The following PUM3 variants were observed in gnomAD, a reference collection of about 807,000 sequenced individuals.
The protein encoded by PUM3 is pumilio homolog 3.
PUM3 carries 91 observed loss-of-function variants against 84.0 expected under a neutral mutation model. The ratio of observed to expected loss-of-function variants is 1.08; its 90% CI spans 0.91 to 1.29. PUM3 has a LOEUF of 1.29. Among genes scored for constraint, PUM3 ranks in the 50% most tolerant of loss-of-function variants. PUM3 has a pLI of 0.00. For synonymous variants in PUM3, 321 were observed against 266.7 expected, an observed-to-expected ratio of 1.20 and a Z score of -1.98; for missense variants, 1,067 against 767.5, an observed-to-expected ratio of 1.39 and a Z score of -4.61.
At chr9:2,837,742 T>C (rs1417681637) in intron 2 of PUM3, among the ~76,000 whole-genome samples, 10 of 152,150 alleles carry the variant, frequency 6.6e-5, no homozygotes. Context: ...TGTATTCTGC[T>C]TTAATGATGG....
At chr9:2,829,397 G>A (rs1445436358) in intron 8 of PUM3, among the ~76,000 whole-genome samples, 2 of 152,208 alleles carry the variant, frequency 1.3e-5, no homozygotes, top group Non-Finnish European at 2.9e-5. Flanking sequence ...AAACACAGGA[G>A]AAGCTAGCAA....
At chr9:2,814,986 T>C (rs1048241101) in intron 13 of PUM3, among the ~76,000 whole-genome samples, 2 of 152,196 alleles carry the variant, frequency 1.3e-5, no homozygotes, top group African/African-American at 2.4e-5. Flanking sequence ...CCAACACATA[T>C]GGCTTGGGCA....
At chr9:2,811,155 C>A (rs1211986972) in intron 15 of PUM3, among the ~76,000 whole-genome samples, 1 of 152,190 alleles carries the variant, frequency 6.6e-6, no homozygotes, top group Non-Finnish European at 1.5e-5. Flanking sequence ...AAATTCACAT[C>A]TGTAAAACAT....
In PUM3 at chr9:2,811,403, G is replaced by A; in HGVS notation, c.1593C>T (p.Ser531=). 1 of 1,614,130 alleles carries A rather than the reference G, an allele frequency of 6.2e-7. No homozygotes were observed. Among genetic ancestry groups the A allele is most frequent in the Non-Finnish European group, 8.5e-7 (1 of 1,180,022 alleles). Residue 531 remains serine, a synonymous_variant, in exon 15 of 18, where the codon AGC becomes AGT. Transcript: ENST00000397885. Reference sequence around the variant, plus strand: ...CAGGATGCAGTCCTGTTGCTGCCAAGCTGGCGATGGCATTCATGGTAGGCT... The same window carrying A: ...CAGGATGCAGTCCTGTTGCTGCCAAACTGGCGATGGCATTCATGGTAGGCT... ...DVQPTMNAIA[S]LAATGLHPGG... is the part of the protein sequence containing the mutation.
chr9:2,819,554 A>G (rs966413692), intron 13 of PUM3, among the ~76,000 whole-genome samples: 1 of 152,222 alleles, frequency 6.6e-6, no homozygotes, highest in African/African-American at 2.4e-5. Context: ...GCACAGATGC[A>G]TTGATTAACT....
At chr9:2,833,691 AAT>A (rs1491491915) in intron 4 of PUM3, among the ~76,000 whole-genome samples, 37 of 141,924 alleles carry the variant, frequency 2.6e-4, no homozygotes, top group African/African-American at 8.7e-4. Context: ...AAGTAAAAAA[AAT>A]AATAAAACAA....
intron 15 of PUM3, among the ~76,000 whole-genome samples, chr9:2,810,710 G>C (rs576906183): frequency 6.6e-6 from 1 of 152,316 alleles, no homozygotes; most frequent in South Asian, 2.1e-4. Context: ...AACAGTAGCA[G>C]CACAAGGCTC....
intron 3 of PUM3, 98 bp downstream of exon 3, chr9:2,837,082 T>C (rs1816142761): frequency 2.0e-6 from 2 of 1,014,026 alleles, no homozygotes; most frequent in Non-Finnish European, 3.0e-6. Flanking sequence ...AAATGTTACC[T>C]GCCAAGGAAT....
At position 2,831,272 on chromosome 9, in the gene PUM3, G is replaced by A. The variant is rs1371223220; in HGVS notation, c.589C>T (p.Gln197Ter). 1.9e-6 allele frequency: 3 copies of A among 1,604,116 alleles called. No individual in the cohort carries two copies. The highest frequency in any genetic ancestry group is 1.7e-6 in the Non-Finnish European group (2 of 1,173,466). Residue 197 changes from glutamine to a stop codon, truncating the protein, a stop_gained, in exon 6 of 18, where the codon CAG (glutamine) becomes TAG (stop). Coordinates refer to ENST00000397885, the MANE Select transcript of PUM3 (RefSeq NM_014878.5). LOFTEE classifies it high-confidence loss of function. ...ATACCTCGCAATTCTTCAAAAGCCTGTTTTCTCTGTTCTTCATTACCATAC... is the reference window on the plus strand; with the variant it reads ...ATACCTCGCAATTCTTCAAAAGCCTATTTTCTCTGTTCTTCATTACCATAC... ...IQYGNEEQRK[Q>*]AFEELRDDLV... is the part of the protein sequence containing the mutation.
intron 17 of PUM3, among the ~76,000 whole-genome samples, chr9:2,806,188 T>A (rs1821255182): frequency 6.6e-6 from 1 of 152,210 alleles, no homozygotes; most frequent in Non-Finnish European, 1.5e-5. Context: ...TCCAGTTAAT[T>A]GAGTGTAATG....
chr9:2,840,478 G>C (rs1369838839), intron 1 of PUM3, among the ~76,000 whole-genome samples: 1 of 152,080 alleles, frequency 6.6e-6, no homozygotes, highest in African/African-American at 2.4e-5. Context: ...GGTGGATATC[G>C]CCTGCAGCAA....
At chr9:2,840,043 A>G (rs1352029027) in intron 1 of PUM3, among the ~76,000 whole-genome samples, 1 of 152,118 alleles carries the variant, frequency 6.6e-6, no homozygotes, top group South Asian at 2.1e-4. Flanking sequence ...TGTATTTTGT[A>G]GAATATTCCT....
chr9:2,817,823 T>C (rs1821501882), intron 13 of PUM3, among the ~76,000 whole-genome samples: 1 of 152,214 alleles, frequency 6.6e-6, no homozygotes, highest in African/African-American at 2.4e-5. Flanking sequence ...CTGTATATTT[T>C]AAAGACAATG....
At chr9:2,817,549 GTAAGA>G (rs1174956188) in intron 13 of PUM3, among the ~76,000 whole-genome samples, 13 of 152,262 alleles carry the variant, frequency 8.5e-5, no homozygotes, top group African/African-American at 3.1e-4. Flanking sequence ...AAAAATACAT[GTAAGA>G]CATCATTTAT....
chr9:2,819,396 C>T (rs1210941742), intron 13 of PUM3, among the ~76,000 whole-genome samples: 1 of 152,188 alleles, frequency 6.6e-6, no homozygotes, highest in Non-Finnish European at 1.5e-5. Flanking sequence ...ATGGCCACTA[C>T]ACTGGACTAG....
chr9:2,839,757 C>G, intron 1 of PUM3, among the ~76,000 whole-genome samples: 1 of 152,196 alleles, frequency 6.6e-6, no homozygotes. Flanking sequence ...CATAACCATA[C>G]CTGCATCTCT....
Position 2,824,829 on chromosome 9 carries a change from G to A in PUM3, c.1036-14C>T. ...TTCAATCATTTCCTAGGGAACAAATGCTGTCAGGAACAGGGCTCTGCTTTA... is the reference window on the plus strand; with the variant it reads ...TTCAATCATTTCCTAGGGAACAAATACTGTCAGGAACAGGGCTCTGCTTTA... On this transcript the variant is annotated splice_polypyrimidine_tract_variant and intron_variant, in intron 10 of 17. Coordinates refer to ENST00000397885, the MANE Select transcript of PUM3 (RefSeq NM_014878.5). The A allele has an allele frequency of 1.3e-6, 2 of 1,515,872 alleles. No homozygotes were observed. Among genetic ancestry groups the A allele is most frequent in the South Asian group, 1.2e-5 (1 of 80,554 alleles). The allele number at this position is 1,515,872 out of a possible 1,614,324, so 93.9% of individuals were successfully genotyped here.
Position 2,823,813 on chromosome 9 carries a change from T to G in PUM3, c.1156A>C (p.Thr386Pro). 1 of 1,529,642 alleles carries G rather than the reference T, an allele frequency of 6.5e-7. No individual in the cohort carries two copies. Among genetic ancestry groups the G allele is most frequent in the Non-Finnish European group, 8.9e-7 (1 of 1,120,012 alleles). The allele number at this position is 1,529,642 out of a possible 1,614,324, so 94.8% of individuals were successfully genotyped here. The change falls in exon 12 of 18, where the codon ACA becomes CCA. Residue 386 changes from threonine (T) to proline (P), a missense_variant. Thr to Pro is a conservative substitution (Grantham distance 38). Coordinates refer to ENST00000397885, the MANE Select transcript of PUM3 (RefSeq NM_014878.5). ...ACCTTTTCAACATAAGTCTTCATTG[T>G]TTTCACAATCACTTTCCTGTCCTTA... ...TPKDRKVIVKTMKTYVEKVAN... is the reference protein window; with the variant it reads ...TPKDRKVIVKPMKTYVEKVAN...
intron 13 of PUM3, among the ~76,000 whole-genome samples, chr9:2,818,079 T>C (rs1821510319): frequency 6.6e-6 from 1 of 152,240 alleles, no homozygotes; most frequent in Non-Finnish European, 1.5e-5. Flanking sequence ...TCTGGTGCCC[T>C]GAACAGAGTG....
Sources: allele counts gnomAD v4.1 joint callset (sites outside exome capture counted in the v4.1 genomes callset), GRCh38; gene constraint gnomAD v4.1.1; transcripts MANE v1.5; gene names NCBI Gene and HGNC (gene_info 2026-07-23, HGNC 2026-07-21).